RBM6: variants seen among roughly 807,000 people sequenced by gnomAD.
RBM6 encodes the protein RNA-binding protein 6.
A neutral mutation model predicts 140.4 loss-of-function variants in RBM6; 23 were observed. The ratio of observed to expected loss-of-function variants is 0.16; its 90% CI spans 0.12 to 0.23. The LOEUF is 0.23. Ranked by LOEUF, RBM6 falls within the 10% of genes least tolerant of loss-of-function variation. The pLI is 1.00. For synonymous variants in RBM6, 439 were observed against 475.6 expected, an observed-to-expected ratio of 0.92 and a Z score of 1.00; for missense variants, 1,139 against 1,386.7, an observed-to-expected ratio of 0.82 and a Z score of 2.84.
At chr3:49,997,526 C>T (rs1559565802) in intron 5 of RBM6, among the ~76,000 whole-genome samples, 1 of 152,122 alleles carries the variant, frequency 6.6e-6, no homozygotes, top group Non-Finnish European at 1.5e-5. Context: ...TATTAGTTCT[C>T]TATGTTTTTC....
chr3:49,957,529 T>C (rs2084050848), intron 1 of RBM6, among the ~76,000 whole-genome samples: 1 of 152,132 alleles, frequency 6.6e-6, no homozygotes, highest in Non-Finnish European at 1.5e-5. Flanking sequence ...AAAGATATGT[T>C]CTTTGCAGTT....
At chr3:49,944,816 A>G (rs541390629) in intron 1 of RBM6, among the ~76,000 whole-genome samples, 2 of 151,194 alleles carry the variant, frequency 1.3e-5, no homozygotes, top group Admixed American at 1.3e-4. Context: ...TTGGGAATAT[A>G]TATACTCAGA....
intron 1 of RBM6, among the ~76,000 whole-genome samples, chr3:49,945,832 A>G (rs913655143): frequency 2.7e-5 from 4 of 150,162 alleles, no homozygotes; most frequent in South Asian, 2.1e-4. Context: ...CAGTGAGCCA[A>G]AATCGCGCCA....
chr3:50,067,861 C>T (rs1451535929), intron 17 of RBM6, among the ~76,000 whole-genome samples: 2 of 152,206 alleles, frequency 1.3e-5, no homozygotes, highest in African/African-American at 4.8e-5. Flanking sequence ...CTGAGAAGTT[C>T]TGCTTTTGGT....
At chr3:50,061,058 C>A in intron 12 of RBM6, 60 bp downstream of exon 12, 2 of 1,605,822 alleles carry the variant, frequency 1.2e-6, no homozygotes, top group South Asian at 1.1e-5. Context: ...TAAGGGTGAT[C>A]TTGAATTTTC....
Position 49,968,003 on chromosome 3 carries a change from C to T in RBM6, c.578C>T (p.Ala193Val). 6.2e-7 allele frequency: 1 copy of T among 1,614,110 alleles called. No homozygotes were observed. The highest frequency in any genetic ancestry group is 1.1e-5 in the South Asian group (1 of 91,080). ...LDFRGRDGSH[A>V]DFRGRDLSDL... Reference sequence around the variant, plus strand: ...TTTAGAGGCCGGGATGGATCCCATGCAGATTTTAGGGGAAGGGATTTATCA... The same window carrying T: ...TTTAGAGGCCGGGATGGATCCCATGTAGATTTTAGGGGAAGGGATTTATCA... Residue 193 changes from alanine (A) to valine (V), a missense_variant, in exon 3 of 21, where the codon GCA becomes GTA. Physicochemically the swap from Ala to Val is moderately conservative, Grantham distance 64. Transcript: ENST00000266022.
intron 5 of RBM6, among the ~76,000 whole-genome samples, chr3:49,988,421 G>A (rs903638117): frequency 6.6e-6 from 1 of 151,790 alleles, no homozygotes; most frequent in Non-Finnish European, 1.5e-5. Flanking sequence ...TGGAATTACA[G>A]GTGTGAGCCA....
intron 6 of RBM6, among the ~76,000 whole-genome samples, chr3:50,016,489 G>A (rs1238552411): frequency 2.9e-5 from 4 of 139,198 alleles, no homozygotes; most frequent in Non-Finnish European, 4.6e-5. Context: ...AGATCATATG[G>A]TGATTCTCGT....
intron 1 of RBM6, among the ~76,000 whole-genome samples, chr3:49,944,474 C>CT (rs34463596): frequency 0.029 from 3,878 of 132,238 alleles, 232 homozygotes; most frequent in African/African-American, 0.1. Context: ...GTACAAATAT[C>CT]TTTTTTTTTT....
rs575842023 is a variant in RBM6, at chr3:50,005,654, G to A, written c.1557+6141G>A. On this transcript the variant is annotated intron_variant, in intron 6 of 20. Transcript: ENST00000266022. ...TCTGAAACACTTTAGTACTTAAATTGTGTGCATTCCAAGCAACAAAACCAA... is the reference window on the plus strand; with the variant it reads ...TCTGAAACACTTTAGTACTTAAATTATGTGCATTCCAAGCAACAAAACCAA... Among the ~76,000 whole-genome samples the A allele has an allele frequency of 5.3e-5, 8 of 152,294 alleles. No individual in the cohort carries two copies. The South Asian group carries it at 1.7e-3, about 32-fold the overall frequency.
At chr3:50,011,991 A>G (rs906354939) in intron 6 of RBM6, among the ~76,000 whole-genome samples, 2 of 151,840 alleles carry the variant, frequency 1.3e-5, no homozygotes, top group African/African-American at 4.8e-5. Context: ...AGCTGGAACT[A>G]TAAGTTGGAA....
intron 6 of RBM6, among the ~76,000 whole-genome samples, chr3:50,015,431 A>ATTTT (rs1203865246): frequency 1.4e-5 from 2 of 145,774 alleles, no homozygotes; most frequent in East Asian, 4.0e-4. Flanking sequence ...TATTATTATT[A>ATTTT]TTTTTTTTTT....
At chr3:49,983,485 A>G (rs2085404770) in intron 5 of RBM6, among the ~76,000 whole-genome samples, 1 of 152,164 alleles carries the variant, frequency 6.6e-6, no homozygotes, top group African/African-American at 2.4e-5. Flanking sequence ...AGTTTATGGT[A>G]TCCCAACTGG....
rs371794049 is a variant in RBM6 at position 49,969,746 on chromosome 3, C to T, written c.1323+998C>T. On this transcript the variant is annotated intron_variant, in intron 3 of 20. Coordinates refer to ENST00000266022, the MANE Select transcript of RBM6 (RefSeq NM_005777.3). ...CTGAGTAGCTGGAACTACAGATGTG[C>T]GCCAGCCACTATGCCTGGCTAGTTT... is the stretch of plus-strand genomic sequence containing the variant. Among the ~76,000 whole-genome samples the T allele has an allele frequency of 1.3e-4, 20 of 150,770 alleles. No homozygotes were observed. In the East Asian group the frequency reaches 2.3e-3, roughly 18 times the overall value.
intron 6 of RBM6, among the ~76,000 whole-genome samples, chr3:50,038,782 G>A (rs537199296): frequency 1.3e-5 from 2 of 152,110 alleles, no homozygotes; most frequent in African/African-American, 2.4e-5. Flanking sequence ...GCAGTGAGCC[G>A]AGATCGCGCC....
At chr3:50,056,552 C>T (rs1397278587) in intron 8 of RBM6, among the ~76,000 whole-genome samples, 1 of 152,176 alleles carries the variant, frequency 6.6e-6, no homozygotes, top group Non-Finnish European at 1.5e-5. Context: ...CCTCAGTCTC[C>T]CAATGTGCTG....
intron 6 of RBM6, among the ~76,000 whole-genome samples, chr3:50,025,295 C>T (rs1256067716): frequency 6.6e-6 from 1 of 151,632 alleles, no homozygotes; most frequent in Non-Finnish European, 1.5e-5. Flanking sequence ...TGGTGATGGG[C>T]ACCTGTAATC....
intron 6 of RBM6, among the ~76,000 whole-genome samples, chr3:50,000,424 CTTT>C (rs545032948): frequency 8.8e-6 from 1 of 113,630 alleles, no homozygotes; most frequent in Non-Finnish European, 1.9e-5. Flanking sequence ...TTCTTTCTTT[CTTT>C]TTTTTTTTTT....
intron 1 of RBM6, among the ~76,000 whole-genome samples, chr3:49,961,538 C>T (rs1244687904): frequency 2.6e-5 from 4 of 151,930 alleles, no homozygotes; most frequent in East Asian, 2.0e-4. Context: ...CGGTGGCTCA[C>T]GCCTGTAATC....
Sources: gnomAD v4.1 joint callset for allele counts (sites outside exome capture counted in the v4.1 genomes callset) on GRCh38, gnomAD v4.1.1 for gene constraint, MANE v1.5 for transcripts, NCBI Gene and HGNC (gene_info 2026-07-23, HGNC 2026-07-21) for gene names.